The following ATE1 variants were observed in gnomAD, a reference collection of about 807,000 sequenced individuals.
The protein encoded by ATE1 is arginyltransferase 1.
In ATE1, 36 loss-of-function variants were observed where a neutral mutation model predicts 70.5. The observed-to-expected ratio is 0.51, with a 90% CI of 0.39 to 0.67. ATE1 has a LOEUF of 0.67. ATE1 is among the 30% of genes least tolerant of loss of function. ATE1 has a pLI of 0.00. For missense variants in ATE1, 593 were observed against 629.5 expected, an observed-to-expected ratio of 0.94 and a Z score of 0.62; for synonymous variants, 232 against 219.3, an observed-to-expected ratio of 1.06 and a Z score of -0.51.
chr10:121,861,187 C>T (rs1949453933), intron 8 of ATE1, among the ~76,000 whole-genome samples: 1 of 152,148 alleles, frequency 6.6e-6, no homozygotes, highest in Non-Finnish European at 1.5e-5. Flanking sequence ...AAGACTGACC[C>T]AGCCAAAAGA....
At chr10:121,891,065 G>A (rs955064588) in intron 7 of ATE1, among the ~76,000 whole-genome samples, 2 of 152,280 alleles carry the variant, frequency 1.3e-5, no homozygotes, top group Admixed American at 1.3e-4. Context: ...ACAGACACAC[G>A]AGGAGAGGGT....
chr10:121,832,907 C>T (rs1384797017), intron 10 of ATE1, among the ~76,000 whole-genome samples: 1 of 152,132 alleles, frequency 6.6e-6, no homozygotes, highest in East Asian at 1.9e-4. Flanking sequence ...GTCTGGTTAA[C>T]AACAAGAGCA....
chr10:121,815,751 CG>C (rs1262827763), intron 10 of ATE1, among the ~76,000 whole-genome samples: 2 of 152,188 alleles, frequency 1.3e-5, no homozygotes, highest in Non-Finnish European at 2.9e-5. Flanking sequence ...CCCACAGAAG[CG>C]CTGCAACCGT....
At chr10:121,783,547 T>C (rs757333054) in intron 11 of ATE1, among the ~76,000 whole-genome samples, 47 of 151,622 alleles carry the variant, frequency 3.1e-4, no homozygotes, top group Non-Finnish European at 4.0e-4. Flanking sequence ...TTTTTTTTAA[T>C]GGTACGTAAA....
At chr10:121,914,263 C>T (rs1170586379) in intron 3 of ATE1, among the ~76,000 whole-genome samples, 1 of 152,066 alleles carries the variant, frequency 6.6e-6, no homozygotes, top group Non-Finnish European at 1.5e-5. Context: ...GACAGGGTTT[C>T]ACCATGTTGG....
intron 10 of ATE1, among the ~76,000 whole-genome samples, chr10:121,791,058 G>A (rs1195874615): frequency 2.0e-4 from 1 of 4,910 alleles, no homozygotes; most frequent in East Asian, 0.024. Context: ...ATGTATACGT[G>A]TGTGTGTGTG....
intron 3 of ATE1, among the ~76,000 whole-genome samples, chr10:121,921,874 GTTTTAA>G: frequency 6.6e-6 from 1 of 152,276 alleles, no homozygotes; most frequent in East Asian, 1.9e-4. Context: ...AGTTTCTCCT[GTTTTAA>G]CCCGAGGTCT....
intron 11 of ATE1, among the ~76,000 whole-genome samples, chr10:121,783,810 G>A (rs1946094811): frequency 6.6e-6 from 1 of 152,110 alleles, no homozygotes; most frequent in Non-Finnish European, 1.5e-5. Context: ...TTACTAAAAT[G>A]ATTTCTATAA....
chr10:121,842,650 G>T (rs570948360), intron 8 of ATE1, among the ~76,000 whole-genome samples: 1 of 149,226 alleles, frequency 6.7e-6, no homozygotes, highest in Non-Finnish European at 1.5e-5. Flanking sequence ...ATTTATTCCA[G>T]GTGTGCAAGG....
At chr10:121,870,182 A>C in intron 7 of ATE1, 144 bp from the exon 8 acceptor site, 1 of 724,978 alleles carries the variant, frequency 1.4e-6, no homozygotes, top group Middle Eastern at 3.0e-4. Flanking sequence ...TAATGTGTCC[A>C]TAAAATTCAT....
At chr10:121,868,111 TTAAAAAA>T (rs1949724751) in intron 8 of ATE1, among the ~76,000 whole-genome samples, 1 of 152,200 alleles carries the variant, frequency 6.6e-6, no homozygotes, top group South Asian at 2.1e-4. Context: ...AAGCATTCAC[TTAAAAAA>T]TAAGATATCT....
At chr10:121,898,875 T>C in intron 7 of ATE1, 4 of 1,614,022 alleles carry the variant, frequency 2.5e-6, no homozygotes, top group South Asian at 2.2e-5. Context: ...TGGATCCTGG[T>C]GTATGGCCAC....
Position 121,924,260 on chromosome 10 carries a change from C to T in ATE1, c.170+6G>A, listed in dbSNP as rs753907474. 1.2e-6 allele frequency: 2 copies of T among 1,613,288 alleles called. No individual in the cohort carries two copies. The highest frequency in any genetic ancestry group is 4.5e-5 in the East Asian group (2 of 44,852). On this transcript the variant is annotated splice_donor_region_variant and intron_variant, in intron 2 of 11. Transcript: ENST00000224652. ...TAGGAAGTCTCTTTGTATCTGGAAGCTTTACCTTCGCCATCCTCGGTCTAT... is the reference window on the plus strand; with the variant it reads ...TAGGAAGTCTCTTTGTATCTGGAAGTTTTACCTTCGCCATCCTCGGTCTAT...
At chr10:121,808,123 T>C (rs1045162863) in intron 10 of ATE1, among the ~76,000 whole-genome samples, 2 of 152,238 alleles carry the variant, frequency 1.3e-5, no homozygotes, top group African/African-American at 4.8e-5. Context: ...TCTACACGTA[T>C]AGTATATTTC....
chr10:121,926,328 G>A (rs1318822299), intron 1 of ATE1, among the ~76,000 whole-genome samples: 1 of 152,156 alleles, frequency 6.6e-6, no homozygotes, highest in African/African-American at 2.4e-5. Flanking sequence ...GAGTCCAACA[G>A]AAATATCCCG....
At chr10:121,768,441 A>C (rs775315114) in intron 11 of ATE1, among the ~76,000 whole-genome samples, 1 of 152,156 alleles carries the variant, frequency 6.6e-6, no homozygotes, top group Non-Finnish European at 1.5e-5. Context: ...CATTCTTGTC[A>C]TACCTAAGTA....
rs566770660 is a variant in ATE1 at position 121,818,979 on chromosome 10, A to G, written c.1257+17739T>C. On this transcript the variant is annotated intron_variant, in intron 10 of 11. Transcript: ENST00000224652. Reference sequence around the variant, plus strand: ...ATCAAGAAACCGAACTTGACCTAGCAATCACAATAATACCAACCACAATGT... The same window carrying G: ...ATCAAGAAACCGAACTTGACCTAGCGATCACAATAATACCAACCACAATGT... Among the ~76,000 whole-genome samples, 232 of 152,318 alleles carry G rather than the reference A, an allele frequency of 1.5e-3. 2 individuals are homozygous for G. Among genetic ancestry groups the G allele is most frequent in the South Asian group, 0.014 (69 of 4,828 alleles).
At chr10:121,786,962 T>G (rs904984408) in intron 11 of ATE1, among the ~76,000 whole-genome samples, 5 of 152,192 alleles carry the variant, frequency 3.3e-5, no homozygotes, top group African/African-American at 1.2e-4. Flanking sequence ...TTGAACCCCT[T>G]TCTTTGAAGT....
intron 8 of ATE1, among the ~76,000 whole-genome samples, chr10:121,859,259 T>A (rs201334662): frequency 0.21 from 31,733 of 149,658 alleles, 3,805 homozygotes; most frequent in African/African-American, 0.34. Flanking sequence ...TATTTTATTT[T>A]ATTTTTTTTT....
Sources: gnomAD v4.1 joint callset for allele counts (sites outside exome capture counted in the v4.1 genomes callset) on GRCh38, gnomAD v4.1.1 for gene constraint, MANE v1.5 for transcripts, NCBI Gene and HGNC (gene_info 2026-07-23, HGNC 2026-07-21) for gene names.